CLNK: variants seen among roughly 807,000 people sequenced by gnomAD.
CLNK encodes the protein cytokine-dependent hematopoietic cell linker.
Under a neutral mutation model 68.6 loss-of-function variants are expected in CLNK, and 74 were observed. That is an observed-to-expected ratio of 1.08 (90% CI 0.89 to 1.31). The LOEUF is 1.31. Among genes scored for constraint, CLNK ranks in the 50% most tolerant of loss-of-function variants. The probability of loss-of-function intolerance (pLI) is 0.00; values close to 1 mark genes in which losing one functional copy is unlikely to be tolerated. For synonymous variants in CLNK, 198 were observed against 172.2 expected (o/e 1.15, Z -1.17); for missense variants, 553 against 515.3 (o/e 1.07, Z -0.71).
intron 17 of CLNK, 136 bp from the exon 18 acceptor site, chr4:10,501,547 GT>G: frequency 1.2e-6 from 1 of 807,336 alleles, no homozygotes; most frequent in Non-Finnish European, 1.9e-6. Flanking sequence ...AATTCAGTAA[GT>G]TTTTACTGAG....
the CLNK span, among the ~76,000 whole-genome samples, chr4:10,716,727 CTT>C: frequency 1.9e-4 from 26 of 138,674 alleles, no homozygotes; most frequent in Non-Finnish European, 3.2e-4. Context: ...GAGTTTCACT[CTT>C]GTCACCCAGG....
rs1452641936 is a variant in CLNK at position 10,622,478 on chromosome 4, G to A, written c.12-24429C>T. On this transcript the variant is annotated intron_variant, in intron 2 of 18. Coordinates refer to ENST00000226951, the MANE Select transcript of CLNK (RefSeq NM_052964.4). ...CAACTCATGGCTAACTGCAATAACA[G>A]GCATGAAAGCCCTGACCAAGGAAAG... is the stretch of plus-strand genomic sequence containing the variant. 6.6e-5 allele frequency among the ~76,000 whole-genome samples: 10 copies of A among 152,190 alleles called. 1 individual carries two copies. The highest frequency in any genetic ancestry group is 1.5e-4 in the Non-Finnish European group (10 of 68,030).
At chr4:10,495,789 A>G (rs1355157951) in intron 18 of CLNK, among the ~76,000 whole-genome samples, 1 of 150,694 alleles carries the variant, frequency 6.6e-6, no homozygotes, top group Non-Finnish European at 1.5e-5. Context: ...TCACGTGACC[A>G]TAGAGAGAGC....
chr4:10,605,051 C>T (rs1430606511), intron 2 of CLNK, among the ~76,000 whole-genome samples: 1 of 152,202 alleles, frequency 6.6e-6, no homozygotes, highest in Non-Finnish European at 1.5e-5. Flanking sequence ...AATTATGCCT[C>T]AAGACTGCAC....
At chr4:10,711,763 G>A in the CLNK span, among the ~76,000 whole-genome samples, 1 of 152,278 alleles carries the variant, frequency 6.6e-6, no homozygotes. Context: ...CTTTACTAAA[G>A]AATGGAATTG....
chr4:10,728,081 C>T, the CLNK span, among the ~76,000 whole-genome samples: 18 of 152,152 alleles, frequency 1.2e-4, no homozygotes, highest in South Asian at 2.1e-4. Flanking sequence ...ATTTGGTTGT[C>T]AGAACTGGGG....
chr4:10,689,228 G>A (rs888599242), upstream of CLNK, among the ~76,000 whole-genome samples: 1 of 151,698 alleles, frequency 6.6e-6, no homozygotes, highest in Non-Finnish European at 1.5e-5. Flanking sequence ...TTGAACTCCT[G>A]GGCTCAAGTG....
In CLNK at chr4:10,507,988, C is replaced by T; in HGVS notation, c.955G>A (p.Val319Met). 6.2e-7 allele frequency: 1 copy of T among 1,610,660 alleles called. No homozygotes were observed. Among genetic ancestry groups the T allele is most frequent in the Non-Finnish European group, 8.5e-7 (1 of 1,178,490 alleles). The change falls in exon 17 of 19, where the codon GTG becomes ATG. Residue 319 changes from valine to methionine, a missense_variant. Val to Met is a conservative substitution (Grantham distance 21). Coordinates refer to ENST00000226951, the MANE Select transcript of CLNK (RefSeq NM_052964.4). ...TTCTCCTTCATGAATGCCTCTTCCA[C>T]TGCCTGGCGGCTGTATTCTCCAATG... Reference protein sequence around the residue: ...WYIGEYSRQAVEEAFMKENKD... With the variant: ...WYIGEYSRQAMEEAFMKENKD...
At chr4:10,499,903 C>T (rs1716970225) in intron 18 of CLNK, among the ~76,000 whole-genome samples, 1 of 152,090 alleles carries the variant, frequency 6.6e-6, no homozygotes, top group Non-Finnish European at 1.5e-5. Context: ...AGGACTCATC[C>T]CAATAACCTT....
intron 2 of CLNK, among the ~76,000 whole-genome samples, chr4:10,617,577 G>T (rs1419459681): frequency 6.6e-6 from 1 of 152,148 alleles, no homozygotes; most frequent in African/African-American, 2.4e-5. Flanking sequence ...AAATTAAATG[G>T]CAATGAAATA....
At chr4:10,721,965 T>C in the CLNK span, among the ~76,000 whole-genome samples, 1 of 151,968 alleles carries the variant, frequency 6.6e-6, no homozygotes, top group African/African-American at 2.4e-5. Flanking sequence ...TCACTTGAGG[T>C]CAGGAGTTTG....
chr4:10,598,885 G>A (rs556119945), intron 2 of CLNK, among the ~76,000 whole-genome samples: 219 of 152,128 alleles, frequency 1.4e-3, no homozygotes, highest in Middle Eastern at 3.4e-3. Flanking sequence ...TTCCACTTGG[G>A]GCAAATTTGC....
chr4:10,599,925 C>T (rs923371368), intron 2 of CLNK, among the ~76,000 whole-genome samples: 2 of 152,218 alleles, frequency 1.3e-5, no homozygotes, highest in Non-Finnish European at 2.9e-5. Flanking sequence ...CAAACTGGAT[C>T]AAGAAGAACC....
the CLNK span, among the ~76,000 whole-genome samples, chr4:10,712,487 C>G: frequency 6.6e-6 from 1 of 152,264 alleles, no homozygotes; most frequent in South Asian, 2.1e-4. Flanking sequence ...TATAGTTTAA[C>G]TTTAAAAAAG....
chr4:10,548,560 A>T (rs1156429213), intron 8 of CLNK, among the ~76,000 whole-genome samples: 3 of 152,114 alleles, frequency 2.0e-5, no homozygotes, highest in Non-Finnish European at 4.4e-5. Flanking sequence ...TTGGTCTCAT[A>T]CCCAAAAAGT....
intron 2 of CLNK, chr4:10,656,597 T>C (rs1016247805): frequency 3.3e-5 from 5 of 152,242 alleles, no homozygotes; most frequent in Middle Eastern, 3.4e-3. Context: ...ATAGGCACAC[T>C]TGTGGGTAGA....
chr4:10,550,213 G>T (rs762389786), intron 8 of CLNK, among the ~76,000 whole-genome samples: 10 of 152,192 alleles, frequency 6.6e-5, no homozygotes, highest in Admixed American at 2.0e-4. Context: ...CATTACATAG[G>T]CCAGGCGCGG....
At chr4:10,722,536 A>G in the CLNK span, among the ~76,000 whole-genome samples, 2 of 152,230 alleles carry the variant, frequency 1.3e-5, no homozygotes, top group African/African-American at 4.8e-5. Context: ...CAGGGGGTGA[A>G]TGACCTGCTC....
chr4:10,499,877 T>G (rs1237557238), intron 18 of CLNK, among the ~76,000 whole-genome samples: 1 of 152,112 alleles, frequency 6.6e-6, no homozygotes, highest in Non-Finnish European at 1.5e-5. Context: ...CATAAGAACA[T>G]CTCTCATATT....
Sources: allele counts gnomAD v4.1 joint callset (sites outside exome capture counted in the v4.1 genomes callset), GRCh38; gene constraint gnomAD v4.1.1; transcripts MANE v1.5; gene names NCBI Gene and HGNC (gene_info 2026-07-23, HGNC 2026-07-21).